The following ABCA13 variants were observed in gnomAD, a reference collection of about 807,000 sequenced individuals.
ABCA13 encodes ATP binding cassette subfamily A member 13, also known as ATP-binding cassette sub-family A member 13.
ABCA13 carries 476 observed loss-of-function variants against 478.7 expected under a neutral mutation model. The ratio of observed to expected loss-of-function variants is 0.99; its 90% CI spans 0.92 to 1.07. The LOEUF (loss-of-function observed/expected upper bound fraction) is 1.07. Ranked by LOEUF, ABCA13 falls within the 50% of genes least tolerant of loss-of-function variation. ABCA13 has a pLI of 0.00. For missense variants in ABCA13, 6,060 were observed against 5,910.6 expected, an observed-to-expected ratio of 1.03 and a Z score of -0.83; for synonymous variants, 2,252 against 2,158.9, an observed-to-expected ratio of 1.04 and a Z score of -1.20.
intron 45 of ABCA13, among the ~76,000 whole-genome samples, chr7:48,474,443 C>T (rs899085023): frequency 6.6e-6 from 1 of 152,050 alleles, no homozygotes; most frequent in African/African-American, 2.4e-5. Flanking sequence ...TGAGTGAGCC[C>T]GAAAGTCAGG....
chr7:48,592,592 T>A (rs1215961541), intron 57 of ABCA13, among the ~76,000 whole-genome samples: 1 of 151,918 alleles, frequency 6.6e-6, no homozygotes, highest in Non-Finnish European at 1.5e-5. Flanking sequence ...GTTAGGTCCA[T>A]TTGGTCTAAA....
chr7:48,394,534 C>T (rs907913903), intron 38 of ABCA13, among the ~76,000 whole-genome samples: 9 of 152,176 alleles, frequency 5.9e-5, no homozygotes, highest in Admixed American at 3.3e-4. Flanking sequence ...CTCTTATTTA[C>T]GACATTTATC....
At chr7:48,573,328 ATTTGTTT>A (rs61103746) in intron 55 of ABCA13, among the ~76,000 whole-genome samples, 24,991 of 151,392 alleles carry the variant, frequency 0.17, 2,223 homozygotes, top group East Asian at 0.29. Context: ...TTTTTATTTT[ATTTGTTT>A]TTTATCTTAT....
chr7:48,504,895 T>A (rs1448524324), intron 48 of ABCA13, among the ~76,000 whole-genome samples: 1 of 152,038 alleles, frequency 6.6e-6, no homozygotes, highest in African/African-American at 2.4e-5. Flanking sequence ...GCAGGCCCCA[T>A]GAGGTGTAGG....
intron 42 of ABCA13, among the ~76,000 whole-genome samples, chr7:48,451,311 T>C (rs1825004288): frequency 6.6e-6 from 1 of 152,110 alleles, no homozygotes; most frequent in African/African-American, 2.4e-5. Flanking sequence ...ATGTTATAAA[T>C]CACCTGGTTT....
chr7:48,179,677 C>G (rs922096180), intron 1 of ABCA13, among the ~76,000 whole-genome samples: 1 of 152,164 alleles, frequency 6.6e-6, no homozygotes. Flanking sequence ...ATGATGTCAG[C>G]TCATTCAGAA....
chr7:48,486,992 A>T (rs536878478), intron 47 of ABCA13, among the ~76,000 whole-genome samples: 1 of 152,262 alleles, frequency 6.6e-6, no homozygotes, highest in East Asian at 1.9e-4. Context: ...GATGGTGAAG[A>T]ACTAGGGCCC....
chr7:48,528,237 GCTT>G lies in ABCA13; in HGVS notation c.14247_14249del (p.Phe4750del). The G allele has an allele frequency of 6.4e-7, 1 of 1,569,204 alleles. No individual in the cohort carries two copies. Among genetic ancestry groups the G allele is most frequent in the Non-Finnish European group, 8.7e-7 (1 of 1,155,578 alleles). ...TTACTTAACTTTGTTTCCTCTTAGT[GCTT>G]TGGACTTCTAGGGGTGAATGGAGCT... On this transcript the variant is annotated inframe_deletion and splice_region_variant, in exon 55 of 62. Transcript: ENST00000435803.
In ABCA13 at chr7:48,389,041, G is replaced by C; in HGVS notation, c.11475G>C (p.Gly3825=). The C allele has an allele frequency of 6.2e-7, 1 of 1,613,448 alleles. No individual in the cohort carries two copies. Among genetic ancestry groups the C allele is most frequent in the Non-Finnish European group, 8.5e-7 (1 of 1,179,636 alleles). The change falls in exon 37 of 62, where the codon GGG becomes GGC. Residue 3825 remains glycine, a splice_region_variant and synonymous_variant. Transcript: ENST00000435803. ...AATGAATTTTCATCTCTCTCACAGG[G>C]TCATCACTGCAAAACAGGGAAGGAG... ...FFFNENFDNK[G]SSLQNREGEL...
intron 27 of ABCA13, among the ~76,000 whole-genome samples, chr7:48,321,118 T>G (rs754370947): frequency 6.6e-6 from 1 of 152,060 alleles, no homozygotes; most frequent in Non-Finnish European, 1.5e-5. Flanking sequence ...TGGAGAAATT[T>G]TACCCAACTG....
intron 59 of ABCA13, among the ~76,000 whole-genome samples, chr7:48,633,462 A>G (rs1032794273): frequency 3.3e-5 from 5 of 152,172 alleles, no homozygotes; most frequent in African/African-American, 1.2e-4. Context: ...CATCAACCAC[A>G]GAATGTACAT....
chr7:48,595,336 A>G (rs899648076), intron 58 of ABCA13, among the ~76,000 whole-genome samples: 1 of 152,258 alleles, frequency 6.6e-6, no homozygotes, highest in Admixed American at 6.5e-5. Flanking sequence ...AATTACAAAT[A>G]TAGATTTCAT....
chr7:48,360,569 A>T (rs1264700527), intron 31 of ABCA13, among the ~76,000 whole-genome samples: 1 of 151,978 alleles, frequency 6.6e-6, no homozygotes, highest in Non-Finnish European at 1.5e-5. Flanking sequence ...AACAAGTGAT[A>T]TTCAAGAGTG....
intron 54 of ABCA13, among the ~76,000 whole-genome samples, chr7:48,526,454 A>G (rs906366065): frequency 2.0e-5 from 3 of 152,230 alleles, no homozygotes; most frequent in Non-Finnish European, 4.4e-5. Context: ...ACCTAGATGG[A>G]GAGTGCTATG....
At chr7:48,321,231 T>C (rs1318155882) in intron 27 of ABCA13, among the ~76,000 whole-genome samples, 1 of 152,202 alleles carries the variant, frequency 6.6e-6, no homozygotes, top group Admixed American at 6.5e-5. Context: ...CATCCTACAA[T>C]GCACAGGAAA....
rs368693884 is a variant in ABCA13 at position 48,275,490 on chromosome 7, C to T, written c.5824C>T (p.Leu1942Phe). Residue 1942 changes from leucine to phenylalanine, a missense_variant, in exon 17 of 62, where the codon CTC becomes TTC. This residue lies in a region of ABCA13 where 4,423 missense variants were observed against 4,309.1 expected (regional missense o/e 1.03). Transcript: ENST00000435803. ...INQTRDSISE[L>F]CPSGSIKQVA... Reference sequence around the variant, plus strand: ...TCAAACTAGGGATAGCATCTCTGAACTCTGTCCTAGTGGTTCCATAAAGCA... The same window carrying T: ...TCAAACTAGGGATAGCATCTCTGAATTCTGTCCTAGTGGTTCCATAAAGCA... 3.1e-6 allele frequency: 5 copies of T among 1,613,866 alleles called. No homozygotes were observed. The highest frequency in any genetic ancestry group is 1.1e-5 in the South Asian group (1 of 91,078).
intron 15 of ABCA13, 50 bp downstream of exon 15, chr7:48,249,401 G>C: frequency 6.2e-7 from 1 of 1,601,882 alleles, no homozygotes; most frequent in Non-Finnish European, 8.5e-7. Flanking sequence ...TCCCCTTTTA[G>C]TGAGGTGACA....
chr7:48,399,060 T>G (rs1300772226), intron 38 of ABCA13, among the ~76,000 whole-genome samples: 3 of 151,974 alleles, frequency 2.0e-5, no homozygotes, highest in African/African-American at 4.8e-5. Flanking sequence ...ATTTTAGTAG[T>G]GTGAAGGGAA....
At chr7:48,384,750 C>T (rs1814916052) in intron 35 of ABCA13, among the ~76,000 whole-genome samples, 1 of 152,192 alleles carries the variant, frequency 6.6e-6, no homozygotes, top group Non-Finnish European at 1.5e-5. Flanking sequence ...GCTCAAACAA[C>T]AGGAATGTGT....
Sources: gnomAD v4.1 joint callset for allele counts (sites outside exome capture counted in the v4.1 genomes callset) on GRCh38, gnomAD v4.1.1 for gene constraint, gnomAD v4.1.1 regional missense constraint, MANE v1.5 for transcripts, NCBI Gene and HGNC (gene_info 2026-07-23, HGNC 2026-07-21) for gene names.